Variants in ALKBH8 observed in about 807,000 individuals in gnomAD.
ALKBH8 encodes the protein tRNA (carboxymethyluridine(34)-5-O)-methyltransferase ALKBH8.
In ALKBH8, 36 loss-of-function variants were observed where a neutral mutation model predicts 59.8. The ratio of observed to expected loss-of-function variants is 0.60; its 90% CI spans 0.46 to 0.79. The LOEUF is 0.79. ALKBH8 is among the 30% of genes least tolerant of loss of function. The pLI, the probability that ALKBH8 is intolerant of heterozygous loss-of-function variation, is 0.00. For missense variants in ALKBH8, 768 were observed against 801.0 expected, an observed-to-expected ratio of 0.96 and a Z score of 0.50; for synonymous variants, 276 against 273.6, an observed-to-expected ratio of 1.01 and a Z score of -0.09.
At position 107,551,905 on chromosome 11, in the gene ALKBH8, A is replaced by G; in HGVS notation, c.603T>C (p.Pro201=). ...DKDKPLSGGL[P]DICESFLEKW... ...TCTCCAAAAAGCTTTCACAAATGTC[A>G]GGAAGACCTACAATGAGTAATCATA... Residue 201 remains proline (P), a synonymous_variant, in exon 6 of 12, where the codon CCT becomes CCC. Transcript: ENST00000428149. 6.6e-7 allele frequency: 1 copy of G among 1,504,688 alleles called. No individual in the cohort carries two copies. The highest frequency in any genetic ancestry group is 8.9e-7 in the Non-Finnish European group (1 of 1,127,070). 93.2% of individuals were successfully genotyped at this position (1,504,688 alleles called of 1,614,324 possible). A position where few individuals can be genotyped will look rare whatever the true frequency, so the allele number is the denominator to read the frequency against.
chr11:107,523,743 C>A (rs1409961632), intron 9 of ALKBH8, among the ~76,000 whole-genome samples: 1 of 151,500 alleles, frequency 6.6e-6, no homozygotes, highest in Admixed American at 6.6e-5. Context: ...GCTGGGATTA[C>A]AGGCGTGTGC....
At chr11:107,561,477 T>C (rs961672917) in intron 1 of ALKBH8, among the ~76,000 whole-genome samples, 2 of 152,094 alleles carry the variant, frequency 1.3e-5, no homozygotes, top group African/African-American at 4.8e-5. Context: ...AAGTGACACA[T>C]AGGAGCATCA....
At chr11:107,537,747 AT>A (rs1863880251) in intron 7 of ALKBH8, among the ~76,000 whole-genome samples, 3 of 152,068 alleles carry the variant, frequency 2.0e-5, no homozygotes, top group African/African-American at 7.2e-5. Context: ...TGGTGATTCC[AT>A]ATGAGTTACA....
At chr11:107,538,036 T>G (rs1863893815) in intron 7 of ALKBH8, among the ~76,000 whole-genome samples, 1 of 152,164 alleles carries the variant, frequency 6.6e-6, no homozygotes, top group Non-Finnish European at 1.5e-5. Context: ...TGAATTTTTT[T>G]TTAATGTTGT....
At chr11:107,554,102 G>A (rs1565347043) in intron 3 of ALKBH8, 124 bp from the exon 4 acceptor site, 1 of 1,175,656 alleles carries the variant, frequency 8.5e-7, no homozygotes, top group African/African-American at 1.6e-5. Context: ...AAACAAGATT[G>A]CTGAAAGGCA....
intron 7 of ALKBH8, among the ~76,000 whole-genome samples, chr11:107,538,644 A>G (rs1450509872): frequency 6.6e-6 from 1 of 152,234 alleles, no homozygotes; most frequent in Non-Finnish European, 1.5e-5. Flanking sequence ...CCAAAATACA[A>G]GAGAACAAAA....
intron 7 of ALKBH8, among the ~76,000 whole-genome samples, chr11:107,540,197 T>C (rs1375741978): frequency 6.6e-6 from 1 of 152,216 alleles, no homozygotes; most frequent in East Asian, 1.9e-4. Context: ...GTACTGCATA[T>C]GTGAAATAGG....
intron 7 of ALKBH8, among the ~76,000 whole-genome samples, chr11:107,543,271 G>T (rs1864120280): frequency 6.6e-6 from 1 of 151,862 alleles, no homozygotes; most frequent in Non-Finnish European, 1.5e-5. Context: ...GGAGGCGGAG[G>T]TTGCAGTGAG....
At chr11:107,508,923 G>C (rs1862507442) in intron 11 of ALKBH8, among the ~76,000 whole-genome samples, 1 of 152,152 alleles carries the variant, frequency 6.6e-6, no homozygotes, top group South Asian at 2.1e-4. Context: ...ATGAACATTT[G>C]AGTTGTTTGC....
intron 10 of ALKBH8, among the ~76,000 whole-genome samples, chr11:107,511,827 C>T (rs1424886798): frequency 6.6e-6 from 1 of 152,118 alleles, no homozygotes; most frequent in Non-Finnish European, 1.5e-5. Flanking sequence ...CTGCCCGCCT[C>T]AGCCTCCCAA....
At chr11:107,560,129 T>G (rs187581083) in intron 2 of ALKBH8, among the ~76,000 whole-genome samples, 3 of 152,282 alleles carry the variant, frequency 2.0e-5, no homozygotes, top group African/African-American at 7.2e-5. Flanking sequence ...AGGATACTAC[T>G]ACTCGTGTCC....
At chr11:107,552,232 A>G (rs1185980984) in intron 5 of ALKBH8, among the ~76,000 whole-genome samples, 1 of 151,734 alleles carries the variant, frequency 6.6e-6, no homozygotes, top group East Asian at 1.9e-4. Context: ...GTTATTTTAA[A>G]TTATACCATT....
intron 2 of ALKBH8, among the ~76,000 whole-genome samples, chr11:107,557,723 C>T (rs1371694563): frequency 3.3e-5 from 5 of 152,110 alleles, no homozygotes; most frequent in Non-Finnish European, 5.9e-5. Context: ...GTAAGTTTCA[C>T]GATTACTTCC....
chr11:107,504,675 T>A lies in ALKBH8; in HGVS notation c.1978A>T (p.Ile660Phe). 1 of 1,547,822 alleles carries A rather than the reference T, an allele frequency of 6.5e-7. No homozygotes were observed. Among genetic ancestry groups the A allele is most frequent in the South Asian group, 1.2e-5 (1 of 83,548 alleles). Residue 660 changes from isoleucine to phenylalanine, a missense_variant, in exon 12 of 12, where the codon ATT (isoleucine) becomes TTT (phenylalanine). Transcript: ENST00000428149. Reference protein sequence around the residue: ...SYYDQGNWCVILQKA With the variant: ...SYYDQGNWCVFLQKA ...GTAAATAATCAGGCCTTTTGAAGAA[T>A]CACACACCAGTTTCCTTGATCGTAG...
rs56663802 is a variant in ALKBH8, at chr11:107,523,050, C to CA, written c.1031-496dup. On this transcript the variant is annotated intron_variant, in intron 9 of 11. Coordinates refer to ENST00000428149, the MANE Select transcript of ALKBH8 (RefSeq NM_138775.3). ...CAATAAAACCCTTCTCTGCCTTGCTCAAAAAAAAAAAAAAAATTAAAAATA... is the reference window on the plus strand; with the variant it reads ...CAATAAAACCCTTCTCTGCCTTGCTCAAAAAAAAAAAAAAAAATTAAAAATA... 4.6e-3 allele frequency among the ~76,000 whole-genome samples: 668 copies of CA among 146,684 alleles called. 2 individuals carry two copies. Among genetic ancestry groups the CA allele is most frequent in the African/African-American group, 0.014 (566 of 39,950 alleles).
intron 11 of ALKBH8, among the ~76,000 whole-genome samples, chr11:107,509,000 C>A (rs1473116557): frequency 6.6e-6 from 1 of 152,144 alleles, no homozygotes; most frequent in African/African-American, 2.4e-5. Flanking sequence ...CAAGTCTCTG[C>A]TTTCAATTCT....
intron 7 of ALKBH8, among the ~76,000 whole-genome samples, chr11:107,535,421 T>A (rs1863774014): frequency 6.6e-6 from 1 of 152,190 alleles, no homozygotes; most frequent in Admixed American, 6.5e-5. Flanking sequence ...ACATCTTTTA[T>A]TTTTTAAATT....
In ALKBH8 at chr11:107,504,529, A is replaced by G; in HGVS notation, c.*129T>C. 8.2e-7 allele frequency: 1 copy of G among 1,222,170 alleles called. No homozygotes were observed. The highest frequency in any genetic ancestry group is 1.2e-6 in the Non-Finnish European group (1 of 856,404). The allele number at this position is 1,222,170 out of a possible 1,614,324, so 75.7% of individuals were successfully genotyped here. A position where few individuals can be genotyped will look rare whatever the true frequency, so the allele number is the denominator to read the frequency against. ...GTCTCCTAATGAATCCCTACTTCCAAATTTTTCTCAGCTTTCCTTTGGTAC... is the reference window on the plus strand; with the variant it reads ...GTCTCCTAATGAATCCCTACTTCCAGATTTTTCTCAGCTTTCCTTTGGTAC... On this transcript the variant is annotated 3_prime_UTR_variant, in exon 12 of 12. Transcript: ENST00000428149.
chr11:107,506,368 G>A (rs946641559), intron 11 of ALKBH8, among the ~76,000 whole-genome samples: 3 of 151,222 alleles, frequency 2.0e-5, no homozygotes, highest in African/African-American at 7.3e-5. Flanking sequence ...GAAAAATTAT[G>A]AAGTATGTTA....
Sources: allele counts gnomAD v4.1 joint callset (sites outside exome capture counted in the v4.1 genomes callset), GRCh38; gene constraint gnomAD v4.1.1; transcripts MANE v1.5; gene names NCBI Gene and HGNC (gene_info 2026-07-23, HGNC 2026-07-21).